The following ATP8B4 variants were observed in gnomAD, a reference collection of about 807,000 sequenced individuals.
ATP8B4 encodes ATPase phospholipid transporting 8B4 (putative).
A neutral mutation model predicts 145.6 loss-of-function variants in ATP8B4; 133 were observed. The ratio of observed to expected loss-of-function variants is 0.91; its 90% confidence interval spans 0.79 to 1.05. The LOEUF is 1.05. Among genes scored for constraint, ATP8B4 ranks in the 50% least tolerant of loss-of-function variants. The pLI, the probability that ATP8B4 is intolerant of heterozygous loss-of-function variation, is 0.00. For missense variants in ATP8B4, 1,458 were observed against 1,425.2 expected, an observed-to-expected ratio of 1.02 and a Z score of -0.37; for synonymous variants, 507 against 492.9, an observed-to-expected ratio of 1.03 and a Z score of -0.38.
chr15:49,977,921 C>A (rs1473511429), intron 12 of ATP8B4, among the ~76,000 whole-genome samples: 1 of 152,054 alleles, frequency 6.6e-6, no homozygotes, highest in African/African-American at 2.4e-5. Flanking sequence ...AAGCCAAGCA[C>A]TTTCTCCAAG....
intron 20 of ATP8B4, among the ~76,000 whole-genome samples, chr15:49,903,786 C>A (rs1463811755): frequency 6.6e-6 from 1 of 151,874 alleles, no homozygotes; most frequent in East Asian, 1.9e-4. Flanking sequence ...CCTAGCTACT[C>A]GGGAGGCTGA....
chr15:49,934,867 T>C (rs991784713), intron 14 of ATP8B4, among the ~76,000 whole-genome samples: 1 of 152,050 alleles, frequency 6.6e-6, no homozygotes, highest in African/African-American at 2.4e-5. Context: ...AGCTGCAGAG[T>C]CCACATTTCC....
intron 1 of ATP8B4, among the ~76,000 whole-genome samples, chr15:50,158,566 G>A (rs896175653): frequency 1.3e-5 from 2 of 152,288 alleles, no homozygotes; most frequent in East Asian, 3.9e-4. Context: ...GGGAAGTGAG[G>A]AGCCCCTCTG....
At chr15:50,168,675 C>T (rs995357417) in intron 1 of ATP8B4, among the ~76,000 whole-genome samples, 2 of 152,182 alleles carry the variant, frequency 1.3e-5, no homozygotes, top group Admixed American at 1.3e-4. Context: ...AGTGAAAAGC[C>T]TCCTGGCCAG....
intron 2 of ATP8B4, among the ~76,000 whole-genome samples, chr15:50,092,842 A>C (rs923300808): frequency 2.0e-5 from 3 of 151,966 alleles, no homozygotes; most frequent in African/African-American, 7.2e-5. Context: ...CTTTCAAAAG[A>C]CATCAAACTA....
At chr15:49,980,641 G>A (rs2046075266) in intron 11 of ATP8B4, among the ~76,000 whole-genome samples, 2 of 152,182 alleles carry the variant, frequency 1.3e-5, no homozygotes, top group African/African-American at 4.8e-5. Context: ...TGTGAGGGAG[G>A]AGAACTGTGA....
chr15:49,918,539 A>G (rs1014745359), intron 19 of ATP8B4, among the ~76,000 whole-genome samples: 1 of 152,088 alleles, frequency 6.6e-6, no homozygotes, highest in African/African-American at 2.4e-5. Flanking sequence ...GTTCATATAA[A>G]CCAATTGTTA....
intron 2 of ATP8B4, among the ~76,000 whole-genome samples, chr15:50,099,941 A>C (rs2056239264): frequency 6.7e-6 from 1 of 150,090 alleles, no homozygotes; most frequent in Non-Finnish European, 1.5e-5. Flanking sequence ...AGGCTGAGGC[A>C]GGAGAATTGC....
At chr15:49,860,950 G>A (rs2031582907) in intron 27 of ATP8B4, among the ~76,000 whole-genome samples, 1 of 152,104 alleles carries the variant, frequency 6.6e-6, no homozygotes, top group Non-Finnish European at 1.5e-5. Context: ...CGTATCATGA[G>A]ACTTCCAGGG....
intron 12 of ATP8B4, among the ~76,000 whole-genome samples, chr15:49,976,696 T>C (rs535082292): frequency 6.6e-6 from 1 of 152,344 alleles, no homozygotes; most frequent in South Asian, 2.1e-4. Flanking sequence ...ATTCAAAATT[T>C]ATTCAAATTC....
At chr15:50,008,170 T>C (rs1364901049) in intron 7 of ATP8B4, among the ~76,000 whole-genome samples, 2 of 152,058 alleles carry the variant, frequency 1.3e-5, no homozygotes, top group Non-Finnish European at 2.9e-5. Context: ...TTCTATAAAA[T>C]TGATAGCGTG....
chr15:49,961,938 G>T, intron 14 of ATP8B4, 39 bp downstream of exon 14: 2 of 1,511,686 alleles, frequency 1.3e-6, no homozygotes, highest in South Asian at 1.2e-5. Context: ...CATATAATTT[G>T]AAATTAAAAC....
chr15:50,137,311 T>C (rs905784257), intron 1 of ATP8B4, among the ~76,000 whole-genome samples: 2 of 152,218 alleles, frequency 1.3e-5, no homozygotes, highest in Admixed American at 1.3e-4. Context: ...AAGGAATGTT[T>C]TGAGAGAAGC....
chr15:50,030,736 G>C (rs755255729), intron 6 of ATP8B4, among the ~76,000 whole-genome samples: 1 of 152,122 alleles, frequency 6.6e-6, no homozygotes, highest in Non-Finnish European at 1.5e-5. Context: ...TAACATCTGG[G>C]TCACATAAAC....
intron 8 of ATP8B4, 134 bp downstream of exon 8, chr15:50,002,019 T>C (rs2047931922): frequency 1.5e-6 from 1 of 664,788 alleles, no homozygotes; most frequent in African/African-American, 1.9e-5. Flanking sequence ...TGTAGAGTAA[T>C]TAACTATGGA....
chr15:50,157,953 C>T (rs1323940937), intron 1 of ATP8B4, among the ~76,000 whole-genome samples: 5 of 152,320 alleles, frequency 3.3e-5, no homozygotes, highest in South Asian at 2.1e-4. Context: ...GACGGGGTTT[C>T]GCTGTGTTGG....
chr15:50,172,754 C>A (rs1439996091), intron 1 of ATP8B4, among the ~76,000 whole-genome samples: 1 of 151,692 alleles, frequency 6.6e-6, no homozygotes, highest in African/African-American at 2.4e-5. Flanking sequence ...TCTGCCCCGC[C>A]GCCCCGTCTG....
chr15:49,967,945 C>G (rs1454098982), intron 13 of ATP8B4, among the ~76,000 whole-genome samples: 1 of 152,172 alleles, frequency 6.6e-6, no homozygotes, highest in Non-Finnish European at 1.5e-5. Context: ...ACTCTACAAG[C>G]CAGAAGAGAG....
intron 2 of ATP8B4, among the ~76,000 whole-genome samples, 158 bp from the exon 3 acceptor site, chr15:50,074,343 A>G (rs2054042573): frequency 6.6e-6 from 1 of 152,198 alleles, no homozygotes; most frequent in Non-Finnish European, 1.5e-5. Context: ...TACATGTTGG[A>G]ACATGTGTTG....
Sources: allele counts gnomAD v4.1 joint callset (sites outside exome capture counted in the v4.1 genomes callset), GRCh38; gene constraint gnomAD v4.1.1; transcripts MANE v1.5; gene names NCBI Gene and HGNC (gene_info 2026-07-23, HGNC 2026-07-21).